The following ZNF850 variants were observed in gnomAD, a reference collection of about 807,000 sequenced individuals.
ZNF850 encodes zinc finger protein 850.
A neutral mutation model predicts 11.9 loss-of-function variants in ZNF850; 2 were observed. The observed-to-expected ratio is 0.17, with a 90% CI of 0.07 to 0.53. The LOEUF is 0.53. Among genes scored for constraint, ZNF850 ranks in the 20% least tolerant of loss-of-function variants. ZNF850 has a pLI of 0.94. For missense variants in ZNF850, 1,014 were observed against 1,316.4 expected, an observed-to-expected ratio of 0.77 and a Z score of 3.55; for synonymous variants, 381 against 443.0, an observed-to-expected ratio of 0.86 and a Z score of 1.76.
At chr19:36,754,675 C>T (rs1427592228) in intron 4 of ZNF850, among the ~76,000 whole-genome samples, 2 of 152,064 alleles carry the variant, frequency 1.3e-5, no homozygotes, top group African/African-American at 2.4e-5. Flanking sequence ...CCTGCCTCAG[C>T]CTCCCAAGTA....
chr19:36,757,151 G>C (rs1437161645), intron 4 of ZNF850, among the ~76,000 whole-genome samples: 1 of 152,064 alleles, frequency 6.6e-6, no homozygotes, highest in Non-Finnish European at 1.5e-5. Flanking sequence ...ATATAGTGTT[G>C]AATTTTTGTT....
rs1303064694 is a variant in ZNF850 at position 36,749,560 on chromosome 19, G to A, written c.1480C>T (p.Arg494Ter). The A allele has an allele frequency of 1.9e-6, 3 of 1,544,660 alleles. No homozygotes were observed. The highest frequency in any genetic ancestry group is 2.6e-6 in the Non-Finnish European group (3 of 1,150,718). The stretch of plus-strand genomic sequence containing the variant: ...TCACCAGTGTGGATTCGCTGGTGTC[G>A]ATTGCGTGTTGAGCGAAAAGTAAAA... The part of the protein sequence containing the change: ...KSFTFRSTRN[R>*]HQRIHTGEKP... The change falls in exon 5 of 5, where the codon CGA (arginine) becomes TGA (stop). Residue 494 changes from arginine to a stop codon, truncating the protein, a stop_gained. Coordinates refer to ENST00000591344, the MANE Select transcript of ZNF850 (RefSeq NM_001193552.2). LOFTEE classifies it low-confidence loss of function (END_TRUNC).
At position 36,748,840 on chromosome 19, in the gene ZNF850, A is replaced by G. The variant is rs773391897; in HGVS notation, c.2200T>C (p.Cys734Arg). 1.9e-6 allele frequency: 3 copies of G among 1,547,922 alleles called. No individual in the cohort carries two copies. Residue 734 changes from cysteine (C) to arginine (R), a missense_variant, in exon 5 of 5, where the codon TGT becomes CGT. Around this residue, in one of 2 missense-constraint regions of ZNF850, gnomAD observed 835 missense variants for 1,022.0 expected, o/e 0.82. Coordinates refer to ENST00000591344, the MANE Select transcript of ZNF850 (RefSeq NM_001193552.2). ...TDEKPYDGKE[C>R]GKSFTSHSTL... ...GAGTGAGAAGTAAAAGATTTCCCAC[A>G]TTCCTTACCATCATAGGGTTTCTCA...
At chr19:36,770,799 A>C (rs2040577290) in intron 1 of ZNF850, among the ~76,000 whole-genome samples, 3 of 151,278 alleles carry the variant, frequency 2.0e-5, no homozygotes, top group Non-Finnish European at 4.4e-5. Flanking sequence ...AGGGACAAAG[A>C]CCAAATCTGT....
chr19:36,768,236 A>G (rs2040560310), intron 1 of ZNF850, among the ~76,000 whole-genome samples: 1 of 152,122 alleles, frequency 6.6e-6, no homozygotes. Flanking sequence ...TATAGAGTAA[A>G]TGACATTCAG....
rs752825347 is a variant in ZNF850 at position 36,750,261 on chromosome 19, T to C, written c.779A>G (p.Lys260Arg). ...AAGATGTGCAGACGGTCTAAAGGCC[T>C]TCACGGATTCCTGACACTCATGAGG... ...ERPHECQESV[K>R]AFRPSAHLIQ... Residue 260 changes from lysine to arginine, a missense_variant, in exon 5 of 5, where the codon AAG (lysine) becomes AGG (arginine). By Grantham distance (26) the Lys-to-Arg change is conservative. Coordinates refer to ENST00000591344, the MANE Select transcript of ZNF850 (RefSeq NM_001193552.2). The C allele has an allele frequency of 2.0e-5, 31 of 1,537,278 alleles. No homozygotes were observed. In the South Asian group the frequency reaches 3.3e-4, roughly 17 times the overall value.
chr19:36,748,953 G>A lies in ZNF850; in HGVS notation c.2087C>T (p.Thr696Ile). The A allele has an allele frequency of 1.3e-6, 2 of 1,590,118 alleles. No homozygotes were observed. Among genetic ancestry groups the A allele is most frequent in the Middle Eastern group, 3.3e-4 (2 of 6,040 alleles). ...TTTACATTCATAAGGTTTCTCACCA[G>A]TATGAATTCTCCGATGTTGATTAAG... ...TYLNQHRRIH[T>I]GEKPYECKEC... is the part of the protein sequence containing the mutation. Residue 696 changes from threonine (T) to isoleucine (I), a missense_variant, in exon 5 of 5, where the codon ACT becomes ATT. By Grantham distance (89) the Thr-to-Ile change is moderately conservative. This residue lies in a region of ZNF850 where 835 missense variants were observed against 1,022.0 expected (regional missense o/e 0.82). Coordinates refer to ENST00000591344, the MANE Select transcript of ZNF850 (RefSeq NM_001193552.2).
chr19:36,760,170 G>T (rs905224018), intron 4 of ZNF850, among the ~76,000 whole-genome samples: 1 of 152,178 alleles, frequency 6.6e-6, no homozygotes, highest in Non-Finnish European at 1.5e-5. Flanking sequence ...ATTAGGCTGG[G>T]TGTGGTGGCT....
chr19:36,762,490 G>T (rs940681752), intron 2 of ZNF850, 59 bp from the exon 3 acceptor site: 184 of 1,530,202 alleles, frequency 1.2e-4, no homozygotes, highest in Non-Finnish European at 1.5e-4. Flanking sequence ...TTAAGATGAA[G>T]GAAGAGATGG....
intron 4 of ZNF850, among the ~76,000 whole-genome samples, chr19:36,760,665 GACC>G (rs1222807316): frequency 6.6e-6 from 1 of 151,764 alleles, no homozygotes; most frequent in African/African-American, 2.4e-5. Context: ...AGGAGTTCAG[GACC>G]AGCCTGGCCA....
chr19:36,762,839 C>T (rs2040527231), intron 1 of ZNF850, among the ~76,000 whole-genome samples, 164 bp from the exon 2 acceptor site: 1 of 151,930 alleles, frequency 6.6e-6, no homozygotes, highest in East Asian at 1.9e-4. Context: ...ACAGGCACTC[C>T]TCCCTTACCA....
intron 4 of ZNF850, among the ~76,000 whole-genome samples, chr19:36,756,050 C>T (rs1264313282): frequency 2.0e-5 from 3 of 151,724 alleles, no homozygotes; most frequent in African/African-American, 2.4e-5. Context: ...GGATTACAGG[C>T]GCCCGCCATG....
intron 4 of ZNF850, among the ~76,000 whole-genome samples, chr19:36,757,849 T>G (rs999288430): frequency 1.3e-5 from 2 of 152,020 alleles, no homozygotes; most frequent in Admixed American, 1.3e-4. Context: ...TGAGACAGGG[T>G]CTTGCTCTGC....
rs147957744 is a variant in ZNF850 at position 36,764,475 on chromosome 19, G to A, written c.-69-1800C>T. On this transcript the variant is annotated intron_variant, in intron 1 of 4. Transcript: ENST00000591344. Reference sequence around the variant, plus strand: ...GCCCCTCCCCTAGAGCCCCATTAGGGTGAGGCTAGAGTTTATTATAGCCAT... The same window carrying A: ...GCCCCTCCCCTAGAGCCCCATTAGGATGAGGCTAGAGTTTATTATAGCCAT... Among the ~76,000 whole-genome samples, 41 of 152,208 alleles carry A rather than the reference G, an allele frequency of 2.7e-4. 1 individual carries two copies. In the East Asian group the frequency reaches 7.8e-3, roughly 29 times the overall value.
At chr19:36,752,924 G>GT (rs943981791) in intron 4 of ZNF850, among the ~76,000 whole-genome samples, 3 of 152,044 alleles carry the variant, frequency 2.0e-5, no homozygotes, top group African/African-American at 7.2e-5. Flanking sequence ...AAGTGATGAG[G>GT]TTTTCTAAAA....
Position 36,750,162 on chromosome 19 carries a change from C to T in ZNF850, c.878G>A (p.Gly293Asp), listed in dbSNP as rs1332578159. The T allele has an allele frequency of 6.5e-7, 1 of 1,538,834 alleles. No individual in the cohort carries two copies. Among genetic ancestry groups the T allele is most frequent in the Non-Finnish European group, 8.7e-7 (1 of 1,146,946 alleles). ...CKECGKSFTS[G>D]STLNQHQQIH... ...TTGCTGATGTTGATTTAGTGTTGAG[C>T]CAGAAGTAAAAGATTTCCCACATTC... Residue 293 changes from glycine to aspartate, a missense_variant, in exon 5 of 5, where the codon GGC (glycine) becomes GAC (aspartate). Gly to Asp is a moderately conservative substitution (Grantham distance 94). This residue lies in a region of ZNF850 where 835 missense variants were observed against 1,022.0 expected (regional missense o/e 0.82). Coordinates refer to ENST00000591344, the MANE Select transcript of ZNF850 (RefSeq NM_001193552.2).
intron 1 of ZNF850, among the ~76,000 whole-genome samples, chr19:36,770,185 G>A (rs1024423240): frequency 1.3e-5 from 2 of 151,618 alleles, no homozygotes; most frequent in African/African-American, 2.4e-5. Flanking sequence ...TCAGCTCTCT[G>A]GAAGCTCTCT....
intron 1 of ZNF850, among the ~76,000 whole-genome samples, chr19:36,763,876 T>G (rs2040533825): frequency 6.6e-6 from 1 of 151,688 alleles, no homozygotes; most frequent in South Asian, 2.1e-4. Context: ...AGGTCGAGGA[T>G]GCAGTGAGCT....
At position 36,762,622 on chromosome 19, in the gene ZNF850, A is replaced by G. The variant is rs547114717; in HGVS notation, c.-16T>C. The G allele has an allele frequency of 3.9e-6, 6 of 1,535,960 alleles. No individual in the cohort carries two copies. Among genetic ancestry groups the G allele is most frequent in the South Asian group, 3.6e-5 (3 of 84,058 alleles). ...CCATGTTCATGAATATTCCTGTTGC[A>G]GCCAGCAAACCTCCTTCATAGAATG... On this transcript the variant is annotated 5_prime_UTR_variant, in exon 2 of 5. Transcript: ENST00000591344.
Sources: gnomAD v4.1 joint callset for allele counts (sites outside exome capture counted in the v4.1 genomes callset) on GRCh38, gnomAD v4.1.1 for gene constraint, gnomAD v4.1.1 regional missense constraint, MANE v1.5 for transcripts, NCBI Gene and HGNC (gene_info 2026-07-23, HGNC 2026-07-21) for gene names.